The following GRM4 variants were observed in gnomAD, a reference collection of about 807,000 sequenced individuals.
GRM4 encodes metabotropic glutamate receptor 4.
Under a neutral mutation model 81.7 loss-of-function variants are expected in GRM4, and 28 were observed. The observed-to-expected ratio is 0.34, with a 90% confidence interval of 0.25 to 0.47. The LOEUF (loss-of-function observed/expected upper bound fraction) is 0.47, where lower values mean the gene tolerates loss of function less well. Ranked by LOEUF, GRM4 falls within the 20% of genes least tolerant of loss-of-function variation. The pLI is 1.00. For synonymous variants in GRM4, 488 were observed against 528.8 expected (o/e 0.92, Z 1.06); for missense variants, 948 against 1,290.0 (o/e 0.73, Z 4.06).
chr6:34,096,749 G>A (rs1008943614), intron 2 of GRM4, among the ~76,000 whole-genome samples: 3 of 152,228 alleles, frequency 2.0e-5, no homozygotes, highest in African/African-American at 7.2e-5. Context: ...CCTCAGCTGA[G>A]GTAAGGGGTG....
At chr6:34,108,367 A>G (rs953430979) in intron 2 of GRM4, among the ~76,000 whole-genome samples, 1 of 152,206 alleles carries the variant, frequency 6.6e-6, no homozygotes, top group Admixed American at 6.5e-5. Context: ...TTTAGGCCTC[A>G]CCAGAAACCT....
intron 6 of GRM4, among the ~76,000 whole-genome samples, chr6:34,044,625 TAC>T (rs1367189589): frequency 1.1e-5 from 1 of 93,054 alleles, no homozygotes; most frequent in Non-Finnish European, 2.0e-5. Context: ...TACACATATA[TAC>T]ACGCAGACAC....
intron 1 of GRM4, among the ~76,000 whole-genome samples, chr6:34,151,201 C>A (rs1215435793): frequency 6.6e-6 from 1 of 152,196 alleles, no homozygotes; most frequent in Non-Finnish European, 1.5e-5. Flanking sequence ...GACTGAGCAC[C>A]TGGCCCTCCA....
chr6:34,032,510 A>G (rs1193345555), intron 9 of GRM4, among the ~76,000 whole-genome samples: 1 of 152,222 alleles, frequency 6.6e-6, no homozygotes, highest in Non-Finnish European at 1.5e-5. Flanking sequence ...TTCAGAACAC[A>G]TGTCCTCCAC....
Position 34,062,088 on chromosome 6 carries a change from C to A in GRM4, c.737-60G>T, listed in dbSNP as rs1766216528. 12 of 1,550,398 alleles carry A rather than the reference C, an allele frequency of 7.7e-6. No homozygotes were observed. In the Admixed American group the frequency reaches 2.1e-4, roughly 27 times the overall value. ...GGGGAACCTGAGTCTCCCCACCACT[C>A]TCCCAACATACACTCCGGGAGATGG... is the stretch of plus-strand genomic sequence containing the variant. On this transcript the variant is annotated intron_variant, in intron 3 of 10. Coordinates refer to ENST00000538487, the MANE Select transcript of GRM4 (RefSeq NM_000841.4).
chr6:34,035,898 G>A lies in GRM4; in HGVS notation c.2212C>T (p.Arg738Cys), dbSNP rs745359442. ...DFQDQRTLDP[R>C]FARGVLKCDI... is the part of the protein sequence containing the mutation. Reference sequence around the variant, plus strand: ...CACTTGAGCACACCCCTGGCGAAGCGGGGGTCGAGTGTCCGCTGGTCCTGG... The same window carrying A: ...CACTTGAGCACACCCCTGGCGAAGCAGGGGTCGAGTGTCCGCTGGTCCTGG... The change falls in exon 9 of 11, where the codon CGC (arginine) becomes TGC (cysteine). Residue 738 changes from arginine to cysteine, a missense_variant. Transcript: ENST00000538487. The surrounding 1 kb of genome is among the most constrained non-coding windows in gnomAD (Gnocchi z 6.6). 3.7e-6 allele frequency: 6 copies of A among 1,607,476 alleles called. No homozygotes were observed. Among genetic ancestry groups the A allele is most frequent in the Non-Finnish European group, 5.1e-6 (6 of 1,174,598 alleles).
rs1285330009 is a variant in GRM4 at position 34,021,331 on chromosome 6, C to T, written c.*1490G>A. 3 of 152,374 alleles carry T rather than the reference C, an allele frequency of 2.0e-5. No individual in the cohort carries two copies. The highest frequency in any genetic ancestry group is 7.2e-5 in the African/African-American group (3 of 41,462). The allele number at this position is 152,374 out of a possible 1,614,324, so 9.4% of individuals were successfully genotyped here. On this transcript the variant is annotated 3_prime_UTR_variant, in exon 11 of 11. Coordinates refer to ENST00000538487, the MANE Select transcript of GRM4 (RefSeq NM_000841.4). This position sits in a 1 kb window ranked among gnomAD's most constrained non-coding sequence, Gnocchi z 5.3. ...CTTGTGGGCCCACGTGGACACATAA[C>T]AACACACTGATCTCCAGGACAGACA...
chr6:34,098,393 C>G (rs1465222845), intron 2 of GRM4, among the ~76,000 whole-genome samples: 1 of 152,234 alleles, frequency 6.6e-6, no homozygotes, highest in Non-Finnish European at 1.5e-5. Context: ...GCCTCCAGCT[C>G]TGCCCCACCC....
intron 2 of GRM4, among the ~76,000 whole-genome samples, chr6:34,100,489 C>T (rs1307435072): frequency 2.0e-5 from 3 of 152,206 alleles, no homozygotes; most frequent in East Asian, 3.8e-4. Context: ...CTCCTGTGTC[C>T]ACCAGCCTCC....
chr6:34,138,771 T>C (rs2499731), intron 1 of GRM4, among the ~76,000 whole-genome samples: 68,771 of 152,070 alleles, frequency 0.45, 16,146 homozygotes, highest in African/African-American at 0.58. Flanking sequence ...AGCCCAGTCC[T>C]GCACAGAGCC....
chr6:34,141,999 GA>G (rs763105381), intron 1 of GRM4, among the ~76,000 whole-genome samples: 2 of 152,164 alleles, frequency 1.3e-5, no homozygotes, highest in Non-Finnish European at 2.9e-5. Flanking sequence ...ACTCTACAGG[GA>G]CCAAAGGCAG....
In GRM4 at chr6:34,021,154, G is replaced by C. The variant is rs959710927; in HGVS notation, c.*1667C>G. ...TGAGGTGAACACTCGCCATGGGCCT[G>C]AGACAGGCATCTGCATGAGCCACCG... On this transcript the variant is annotated 3_prime_UTR_variant, in exon 11 of 11. Transcript: ENST00000538487. This position sits in a 1 kb window ranked among gnomAD's most constrained non-coding sequence, Gnocchi z 5.3. 9.9e-5 allele frequency: 15 copies of C among 152,272 alleles called. No individual in the cohort carries two copies. The highest frequency in any genetic ancestry group is 3.4e-4 in the African/African-American group (14 of 41,460). The allele number at this position is 152,272 out of a possible 1,614,324, so 9.4% of individuals were successfully genotyped here. A position where few individuals can be genotyped will look rare whatever the true frequency, so the allele number is the denominator to read the frequency against.
In GRM4 at chr6:34,059,060, C is replaced by T; in HGVS notation, c.941G>A (p.Trp314Ter). ...GHFFWMGSDS[W>*]GSKIAPVLHL... ...CAGCACAGGTGCAATCTTGGAGCCC[C>T]AGCTGTCAGAGCCCATCCAGAAGAA... Residue 314 changes from tryptophan (W) to a stop codon, truncating the protein, a stop_gained, in exon 5 of 11, where the codon TGG (tryptophan) becomes TAG (stop). Transcript: ENST00000538487. LOFTEE classifies it high-confidence loss of function. The surrounding 1 kb of genome is among the most constrained non-coding windows in gnomAD (Gnocchi z 5.7). 6.2e-7 allele frequency: 1 copy of T among 1,613,958 alleles called. No individual in the cohort carries two copies. The highest frequency in any genetic ancestry group is 8.5e-7 in the Non-Finnish European group (1 of 1,179,930).
chr6:34,038,670 A>G (rs1204964696), intron 8 of GRM4, among the ~76,000 whole-genome samples: 1 of 126,424 alleles, frequency 7.9e-6, no homozygotes, highest in East Asian at 2.4e-4. Context: ...TTAAAGTCCA[A>G]CCCCATCTCA....
chr6:34,044,619 CATATAT>C (rs1277608332), intron 6 of GRM4, among the ~76,000 whole-genome samples: 3 of 133,406 alleles, frequency 2.2e-5, no homozygotes, highest in African/African-American at 1.1e-4. Flanking sequence ...CATACATACA[CATATAT>C]ACACGCAGAC....
At chr6:34,038,938 G>A (rs1764850555) in intron 8 of GRM4, among the ~76,000 whole-genome samples, 1 of 152,236 alleles carries the variant, frequency 6.6e-6, no homozygotes, top group African/African-American at 2.4e-5. Flanking sequence ...AAGGGGACGT[G>A]CTTAGAGTAG....
rs778877648 is a variant in GRM4, at chr6:34,036,036, G to A, written c.2074C>T (p.Arg692Cys). ...EQGKRSVSAP[R>C]FISPASQLAI... The stretch of plus-strand genomic sequence containing the variant: ...AGCTGTGAGGCGGGGCTGATGAAGC[G>A]TGGGGCACTGACCGAGCGCTTGCCC... The change falls in exon 9 of 11, where the codon CGC becomes TGC. Residue 692 changes from arginine to cysteine, a missense_variant. Transcript: ENST00000538487. The surrounding 1 kb of genome is among the most constrained non-coding windows in gnomAD (Gnocchi z 9.0). The A allele has an allele frequency of 1.2e-6, 2 of 1,614,150 alleles. No homozygotes were observed. The highest frequency in any genetic ancestry group is 1.7e-5 in the Admixed American group (1 of 60,030).
chr6:34,134,042 G>T lies in GRM4; in HGVS notation c.-363-183C>A, dbSNP rs573192335. On this transcript the variant is annotated intron_variant, in intron 1 of 10. Coordinates refer to ENST00000538487, the MANE Select transcript of GRM4 (RefSeq NM_000841.4). ...TCAAATCTGGCTTAAATGGGAGAGTGTATGGCAGAAATTAGGTCATGTTTG... is the reference window on the plus strand; with the variant it reads ...TCAAATCTGGCTTAAATGGGAGAGTTTATGGCAGAAATTAGGTCATGTTTG... Among the ~76,000 whole-genome samples the T allele has an allele frequency of 7.9e-5, 12 of 152,302 alleles. No homozygotes were observed. The East Asian group carries it at 2.3e-3, about 29-fold the overall frequency.
intron 3 of GRM4, among the ~76,000 whole-genome samples, chr6:34,067,847 C>T (rs1279931196): frequency 2.0e-5 from 3 of 152,154 alleles, no homozygotes; most frequent in Admixed American, 6.5e-5. Context: ...ACACCCCCAC[C>T]GCACAACCCC....
Sources: gnomAD v4.1 joint callset for allele counts (sites outside exome capture counted in the v4.1 genomes callset) on GRCh38, gnomAD v4.1.1 for gene constraint, Gnocchi (gnomAD v3.1) non-coding constraint, MANE v1.5 for transcripts, NCBI Gene and HGNC (gene_info 2026-07-23, HGNC 2026-07-21) for gene names.